CNBD1: variants seen among roughly 807,000 people sequenced by gnomAD.
CNBD1 encodes cyclic nucleotide-binding domain-containing protein 1.
In CNBD1, 71 loss-of-function variants were observed where a neutral mutation model predicts 54.4. The observed-to-expected ratio is 1.30, with a 90% confidence interval of 1.08 to 1.59. The LOEUF (loss-of-function observed/expected upper bound fraction) is 1.59. Among genes scored for constraint, CNBD1 ranks in the 40% most tolerant of loss-of-function variants. The pLI is 0.00. For synonymous variants in CNBD1, 182 were observed against 170.7 expected (o/e 1.07, Z -0.51); for missense variants, 659 against 518.0 (o/e 1.27, Z -2.64).
At chr8:86,949,387 G>T (rs1305252345) in intron 4 of CNBD1, among the ~76,000 whole-genome samples, 4 of 152,098 alleles carry the variant, frequency 2.6e-5, no homozygotes, top group Non-Finnish European at 4.4e-5. Context: ...CATGAACATG[G>T]AATATCTTTC....
intron 3 of CNBD1, among the ~76,000 whole-genome samples, chr8:86,925,482 A>AGTGTGTGTGT (rs71275894): frequency 2.7e-4 from 38 of 141,818 alleles, no homozygotes; most frequent in African/African-American, 9.4e-4. Flanking sequence ...CTTACCAAAA[A>AGTGTGTGTGT]GTGTGTGTGT....
chr8:87,162,556 A>C (rs908193799), intron 4 of CNBD1, among the ~76,000 whole-genome samples: 2 of 152,132 alleles, frequency 1.3e-5, no homozygotes. Context: ...TTTGGATTTA[A>C]TAAGAGACAG....
In CNBD1 at chr8:87,302,056, G is replaced by T. The variant is rs546727472; in HGVS notation, c.1042+15385G>T. Reference sequence around the variant, plus strand: ...GGATTCACAGCCGAATTCTACCAGAGGTACAAGGAGGAGCTGGTACCATTC... The same window carrying T: ...GGATTCACAGCCGAATTCTACCAGATGTACAAGGAGGAGCTGGTACCATTC... On this transcript the variant is annotated intron_variant, in intron 8 of 10. Coordinates refer to ENST00000518476, the MANE Select transcript of CNBD1 (RefSeq NM_173538.3). Among the ~76,000 whole-genome samples the T allele has an allele frequency of 9.6e-3, 1,464 of 152,106 alleles. 20 individuals carry two copies. The highest frequency in any genetic ancestry group is 0.032 in the African/African-American group (1,345 of 41,468).
intron 2 of CNBD1, among the ~76,000 whole-genome samples, chr8:87,388,991 G>A (rs527711093): frequency 1.7e-4 from 26 of 152,140 alleles, no homozygotes; most frequent in Admixed American, 1.2e-3. Flanking sequence ...CAGAACCAAC[G>A]ACAAAAACCA....
At chr8:87,085,405 C>T (rs943768871) in intron 4 of CNBD1, among the ~76,000 whole-genome samples, 1 of 151,960 alleles carries the variant, frequency 6.6e-6, no homozygotes, top group Non-Finnish European at 1.5e-5. Flanking sequence ...TATATGTATA[C>T]ATATAAATAA....
At chr8:87,262,784 G>A (rs958931492) in intron 6 of CNBD1, among the ~76,000 whole-genome samples, 1 of 152,066 alleles carries the variant, frequency 6.6e-6, no homozygotes, top group Non-Finnish European at 1.5e-5. Context: ...ATCCTTATCT[G>A]TTCTGTTAAG....
chr8:87,353,272 A>T (rs1563565993), intron 9 of CNBD1, among the ~76,000 whole-genome samples: 1 of 152,084 alleles, frequency 6.6e-6, no homozygotes, highest in Non-Finnish European at 1.5e-5. Flanking sequence ...GTGCCTTGTG[A>T]CTAGGGCTGA....
chr8:87,327,053 A>G (rs1332630230), intron 8 of CNBD1, among the ~76,000 whole-genome samples: 5 of 149,352 alleles, frequency 3.3e-5, no homozygotes, highest in Admixed American at 6.7e-5. Flanking sequence ...ATCTGTTGGA[A>G]TACCCTGCCG....
At chr8:87,172,683 A>G (rs947161769) in intron 4 of CNBD1, among the ~76,000 whole-genome samples, 2 of 152,082 alleles carry the variant, frequency 1.3e-5, no homozygotes, top group African/African-American at 4.8e-5. Flanking sequence ...TGATATAAGT[A>G]TAACTACTCC....
At chr8:86,875,372 C>T (rs528421135) in intron 1 of CNBD1, among the ~76,000 whole-genome samples, 1 of 152,242 alleles carries the variant, frequency 6.6e-6, no homozygotes, top group East Asian at 1.9e-4. Flanking sequence ...ACCCTACCTA[C>T]TCCTGGTATA....
chr8:86,986,357 G>C (rs1028204931), intron 4 of CNBD1, among the ~76,000 whole-genome samples: 2 of 151,944 alleles, frequency 1.3e-5, no homozygotes, highest in African/African-American at 2.4e-5. Context: ...TTTCTAATGG[G>C]GTTTTTCTTT....
At chr8:87,313,128 C>A (rs1284493285) in intron 8 of CNBD1, among the ~76,000 whole-genome samples, 1 of 151,860 alleles carries the variant, frequency 6.6e-6, no homozygotes, top group Non-Finnish European at 1.5e-5. Context: ...TACCATATAC[C>A]CAACTTCTGC....
chr8:87,259,171 A>G (rs1808084553), intron 6 of CNBD1, among the ~76,000 whole-genome samples: 2 of 152,192 alleles, frequency 1.3e-5, no homozygotes, highest in Non-Finnish European at 2.9e-5. Flanking sequence ...TATACAGGCT[A>G]TCTACGACAT....
intron 2 of CNBD1, among the ~76,000 whole-genome samples, chr8:86,896,784 G>A (rs1808854072): frequency 6.6e-6 from 1 of 152,034 alleles, no homozygotes; most frequent in Non-Finnish European, 1.5e-5. Flanking sequence ...CCAACAGAAT[G>A]GGAAAAGTAG....
chr8:86,884,501 G>C (rs1808652443), intron 1 of CNBD1, among the ~76,000 whole-genome samples: 1 of 152,124 alleles, frequency 6.6e-6, no homozygotes, highest in South Asian at 2.1e-4. Context: ...AAAATGGGTA[G>C]ATACACTATG....
At chr8:87,252,298 T>G (rs1807931750) in intron 6 of CNBD1, among the ~76,000 whole-genome samples, 1 of 152,184 alleles carries the variant, frequency 6.6e-6, no homozygotes, top group South Asian at 2.1e-4. Flanking sequence ...TGTTGACAAT[T>G]GAATATCAAA....
At chr8:87,264,925 A>G (rs1586375243) in intron 6 of CNBD1, among the ~76,000 whole-genome samples, 1 of 152,038 alleles carries the variant, frequency 6.6e-6, no homozygotes, top group African/African-American at 2.4e-5. Flanking sequence ...AGTAGATTGC[A>G]AAAATTTTCT....
chr8:86,896,872 C>A (rs1808855004), intron 2 of CNBD1, among the ~76,000 whole-genome samples: 1 of 151,564 alleles, frequency 6.6e-6, no homozygotes, highest in Non-Finnish European at 1.5e-5. Flanking sequence ...CTACAAATAA[C>A]CCAATAGAAA....
intron 5 of CNBD1, among the ~76,000 whole-genome samples, chr8:87,219,093 A>G (rs1814271577): frequency 6.6e-6 from 1 of 152,048 alleles, no homozygotes; most frequent in Non-Finnish European, 1.5e-5. Context: ...ATAAAAAATA[A>G]CAATCTGTAT....
Sources: gnomAD v4.1 joint callset for allele counts (sites outside exome capture counted in the v4.1 genomes callset) on GRCh38, gnomAD v4.1.1 for gene constraint, MANE v1.5 for transcripts, NCBI Gene and HGNC (gene_info 2026-07-23, HGNC 2026-07-21) for gene names.